The following EVC2 variants were observed in gnomAD, a reference collection of about 807,000 sequenced individuals.
EVC2 encodes limbin.
Under a neutral mutation model 149.3 loss-of-function variants are expected in EVC2, and 148 were observed. The observed-to-expected ratio is 0.99, with a 90% CI of 0.87 to 1.14. The LOEUF (loss-of-function observed/expected upper bound fraction) is 1.14, where lower values mean the gene tolerates loss of function less well. EVC2 is among the 50% of genes most tolerant of loss of function. The pLI is 0.00. For missense variants in EVC2, 1,854 were observed against 1,627.3 expected (o/e 1.14, Z -2.40); for synonymous variants, 776 against 649.9 (o/e 1.19, Z -2.95).
At chr4:5,532,644 C>A in the EVC2 span, among the ~76,000 whole-genome samples, 1 of 152,154 alleles carries the variant, frequency 6.6e-6, no homozygotes, top group East Asian at 1.9e-4. Context: ...CTGTCCTTGT[C>A]CTCTCCCCAG....
At chr4:5,620,128 G>A (rs753009222) in intron 14 of EVC2, among the ~76,000 whole-genome samples, 6 of 152,174 alleles carry the variant, frequency 3.9e-5, no homozygotes, top group Admixed American at 6.5e-5. Context: ...TGTGACACCC[G>A]TCTTGGGTTC....
chr4:5,542,306 T>C (rs1432449651), downstream of EVC2, among the ~76,000 whole-genome samples: 1 of 151,876 alleles, frequency 6.6e-6, no homozygotes, highest in East Asian at 1.9e-4. Flanking sequence ...TTTTAAGAAA[T>C]TACCCAGGCA....
intron 7 of EVC2, among the ~76,000 whole-genome samples, chr4:5,673,220 T>C (rs1378732629): frequency 1.3e-5 from 2 of 152,230 alleles, no homozygotes; most frequent in Non-Finnish European, 2.9e-5. Flanking sequence ...TTGCTACTAC[T>C]GTTGTTGGCT....
intron 16 of EVC2, among the ~76,000 whole-genome samples, chr4:5,604,851 G>A (rs1426639188): frequency 6.6e-6 from 1 of 151,166 alleles, no homozygotes; most frequent in Non-Finnish European, 1.5e-5. Context: ...AATATTTTAA[G>A]TTACACTGAG....
chr4:5,560,477 A>C (rs1483649167), downstream of EVC2, among the ~76,000 whole-genome samples: 1 of 152,082 alleles, frequency 6.6e-6, no homozygotes, highest in Non-Finnish European at 1.5e-5. The surrounding 1 kb of genome is among the most constrained non-coding windows in gnomAD (Gnocchi z 4.1). Context: ...CAGCAGGGGA[A>C]ATGCCAGATA....
intron 9 of EVC2, among the ~76,000 whole-genome samples, chr4:5,654,364 G>A (rs1038353747): frequency 6.6e-6 from 1 of 152,196 alleles, no homozygotes; most frequent in Non-Finnish European, 1.5e-5. Flanking sequence ...CTCTTTTAGA[G>A]AAGGAGGTCA....
chr4:5,571,834 T>C (rs991430750), intron 19 of EVC2, among the ~76,000 whole-genome samples: 29 of 152,312 alleles, frequency 1.9e-4, no homozygotes, highest in African/African-American at 6.5e-4. Context: ...TGGTGGACTC[T>C]GAGGGAAGTC....
chr4:5,643,609 G>A (rs1397721252), intron 9 of EVC2, among the ~76,000 whole-genome samples: 2 of 152,168 alleles, frequency 1.3e-5, no homozygotes, highest in Non-Finnish European at 2.9e-5. Context: ...TACCTACACT[G>A]TCATTATTAC....
intron 15 of EVC2, among the ~76,000 whole-genome samples, chr4:5,617,666 G>C (rs576961151): frequency 2.6e-5 from 4 of 152,330 alleles, no homozygotes; most frequent in African/African-American, 9.6e-5. Flanking sequence ...CAGGTGCTCA[G>C]GGAAGGCTTC....
chr4:5,586,290 T>C (rs1712272356), intron 16 of EVC2, among the ~76,000 whole-genome samples: 1 of 152,210 alleles, frequency 6.6e-6, no homozygotes, highest in Admixed American at 6.5e-5. Context: ...CTCTGTTTTG[T>C]TATTTTAGTG....
intron 7 of EVC2, among the ~76,000 whole-genome samples, chr4:5,667,375 A>G (rs1310140535): frequency 1.3e-5 from 2 of 151,906 alleles, no homozygotes; most frequent in African/African-American, 2.4e-5. Context: ...TATTACTACT[A>G]TTATGATGAT....
intron 21 of EVC2, among the ~76,000 whole-genome samples, chr4:5,544,069 C>T (rs577603970): frequency 4.9e-4 from 74 of 152,236 alleles, no homozygotes; most frequent in African/African-American, 1.6e-3. Flanking sequence ...GCACCAGACA[C>T]CCACTTGCCA....
intron 9 of EVC2, among the ~76,000 whole-genome samples, chr4:5,654,051 T>C (rs6856983): frequency 0.065 from 9,933 of 152,042 alleles, 1,059 homozygotes; most frequent in African/African-American, 0.22. Context: ...CCGTCTCTAC[T>C]AAAAATACAA....
In EVC2 at chr4:5,636,863, G is replaced by A. The variant is rs1247638481; in HGVS notation, c.1470+3651C>T. ...ACACATGATGGATAATTATAAAGCA[G>A]TCTGTGGTTTTGTGAGATGGAATCA... On this transcript the variant is annotated intron_variant, in intron 10 of 21. Coordinates refer to ENST00000344408, the MANE Select transcript of EVC2 (RefSeq NM_147127.5). This position sits in a 1 kb window ranked among gnomAD's most constrained non-coding sequence, Gnocchi z 4.6. 6.6e-6 allele frequency among the ~76,000 whole-genome samples: 1 copy of A among 152,220 alleles called. No individual in the cohort carries two copies. Among genetic ancestry groups the A allele is most frequent in the East Asian group, 1.9e-4 (1 of 5,200 alleles).
chr4:5,644,157 T>A (rs1717538588), intron 9 of EVC2, among the ~76,000 whole-genome samples: 1 of 152,168 alleles, frequency 6.6e-6, no homozygotes, highest in African/African-American at 2.4e-5. Flanking sequence ...GCCAGTGGCT[T>A]CCATGGGTGT....
intron 1 of EVC2, among the ~76,000 whole-genome samples, chr4:5,703,554 C>T (rs933533755): frequency 1.3e-5 from 2 of 152,136 alleles, no homozygotes; most frequent in African/African-American, 2.4e-5. Flanking sequence ...ACTCTCAGCC[C>T]GGGTTCCAAT....
At chr4:5,629,577 A>G (rs1716377753) in intron 11 of EVC2, among the ~76,000 whole-genome samples, 1 of 152,216 alleles carries the variant, frequency 6.6e-6, no homozygotes, top group Admixed American at 6.5e-5. Context: ...TGGATAACCA[A>G]AAGTGTCAAC....
intron 7 of EVC2, among the ~76,000 whole-genome samples, chr4:5,674,939 G>C (rs1426085987): frequency 6.6e-6 from 1 of 152,184 alleles, no homozygotes; most frequent in Non-Finnish European, 1.5e-5. Flanking sequence ...TGTCCACGGA[G>C]AAGGCAAAAA....
At chr4:5,532,911 C>G in the EVC2 span, among the ~76,000 whole-genome samples, 1 of 151,672 alleles carries the variant, frequency 6.6e-6, no homozygotes, top group Admixed American at 6.6e-5. Flanking sequence ...GAGTCTCACC[C>G]CATACTCAGT....
Sources: gnomAD v4.1 joint callset for allele counts (sites outside exome capture counted in the v4.1 genomes callset) on GRCh38, gnomAD v4.1.1 for gene constraint, Gnocchi (gnomAD v3.1) non-coding constraint, MANE v1.5 for transcripts, NCBI Gene and HGNC (gene_info 2026-07-23, HGNC 2026-07-21) for gene names.